The following CNOT6 variants were observed in gnomAD, a reference collection of about 807,000 sequenced individuals.
CNOT6 encodes the protein CCR4-NOT transcription complex subunit 6.
Under a neutral mutation model 61.2 loss-of-function variants are expected in CNOT6, and 12 were observed. That is an observed-to-expected ratio of 0.20 (90% CI 0.13 to 0.32). The LOEUF (loss-of-function observed/expected upper bound fraction) is 0.32. Among genes scored for constraint, CNOT6 ranks in the 10% least tolerant of loss-of-function variants. The pLI is 1.00. For missense variants in CNOT6, 405 were observed against 663.9 expected (o/e 0.61, Z 4.28); for synonymous variants, 225 against 240.6 (o/e 0.94, Z 0.60).
At chr5:180,546,033 T>C (rs1452738914) in intron 2 of CNOT6, among the ~76,000 whole-genome samples, 3 of 151,830 alleles carry the variant, frequency 2.0e-5, no homozygotes, top group African/African-American at 7.3e-5. Context: ...TTCTCTCTCT[T>C]TTTTTTTAGA....
intron 4 of CNOT6, among the ~76,000 whole-genome samples, chr5:180,562,670 G>A (rs984914427): frequency 1.4e-4 from 21 of 152,236 alleles, no homozygotes; most frequent in Admixed American, 1.1e-3. Context: ...AACCCGGGAG[G>A]CGGAGCTTGC....
intron 6 of CNOT6, 24 bp downstream of exon 6, chr5:180,564,767 CTG>C (rs1318333956): frequency 1.3e-6 from 2 of 1,572,720 alleles, no homozygotes; most frequent in Non-Finnish European, 8.7e-7. Context: ...TATTTTTTAA[CTG>C]TTATTTTTGC....
chr5:180,563,721 G>T (rs1227486980), intron 4 of CNOT6, among the ~76,000 whole-genome samples: 1 of 152,208 alleles, frequency 6.6e-6, no homozygotes, highest in African/African-American at 2.4e-5. Flanking sequence ...GTGGCATCCA[G>T]AATAATACAC....
At chr5:180,507,128 G>A (rs1273612078) in intron 1 of CNOT6, among the ~76,000 whole-genome samples, 1 of 152,124 alleles carries the variant, frequency 6.6e-6, no homozygotes, top group Non-Finnish European at 1.5e-5. Context: ...GGTGTCTGGG[G>A]CGTTTCAGGC....
At chr5:180,545,696 G>A (rs896761018) in intron 2 of CNOT6, among the ~76,000 whole-genome samples, 2 of 151,980 alleles carry the variant, frequency 1.3e-5, no homozygotes, top group African/African-American at 2.4e-5. Context: ...CCTTTGTGTG[G>A]GCATAACTTT....
Position 180,538,309 on chromosome 5 carries a change from G to T in CNOT6, c.112+8921G>T, listed in dbSNP as rs137904756. On this transcript the variant is annotated intron_variant, in intron 2 of 11. Coordinates refer to ENST00000261951, the MANE Select transcript of CNOT6 (RefSeq NM_001370472.1). ...CTGCCTGGGCCTCCCAGAGTGCTGG[G>T]ATGACAGGCGTGAGCCACCGCACCT... Among the ~76,000 whole-genome samples, 10 of 151,604 alleles carry T rather than the reference G, an allele frequency of 6.6e-5. No homozygotes were observed. The East Asian group carries it at 2.0e-3, about 30-fold the overall frequency.
At chr5:180,573,966 C>CT (rs750422563) in intron 11 of CNOT6, 22 bp from the exon 12 acceptor site, 6 of 1,536,512 alleles carry the variant, frequency 3.9e-6, no homozygotes, top group South Asian at 3.4e-5. Flanking sequence ...CGGTGCTTAT[C>CT]TTTTTTTCTG....
At chr5:180,553,810 C>A (rs527550265) in intron 4 of CNOT6, among the ~76,000 whole-genome samples, 1 of 151,944 alleles carries the variant, frequency 6.6e-6, no homozygotes, top group Non-Finnish European at 1.5e-5. Flanking sequence ...AAACATGGAG[C>A]CTCTCATATA....
At chr5:180,572,316 A>G (rs893152897) in intron 11 of CNOT6, among the ~76,000 whole-genome samples, 2 of 151,880 alleles carry the variant, frequency 1.3e-5, no homozygotes, top group African/African-American at 2.4e-5. Flanking sequence ...CAGCCTCCCA[A>G]GTAGCTGGGA....
chr5:180,501,977 T>C (rs567484945), intron 1 of CNOT6, among the ~76,000 whole-genome samples: 5 of 152,082 alleles, frequency 3.3e-5, no homozygotes, highest in South Asian at 4.2e-4. Flanking sequence ...AGATAGTAGA[T>C]TGGGCGGAGG....
At chr5:180,566,391 G>A (rs1044499842) in intron 7 of CNOT6, among the ~76,000 whole-genome samples, 6 of 152,190 alleles carry the variant, frequency 3.9e-5, no homozygotes, top group African/African-American at 1.2e-4. Context: ...AACTCTCATA[G>A]TCACTCATAT....
At chr5:180,503,715 C>T (rs913429334) in intron 1 of CNOT6, among the ~76,000 whole-genome samples, 3 of 147,704 alleles carry the variant, frequency 2.0e-5, no homozygotes, top group Non-Finnish European at 3.0e-5. Flanking sequence ...AAGCGATTCC[C>T]TTGCCTCAGC....
intron 2 of CNOT6, among the ~76,000 whole-genome samples, chr5:180,539,960 G>T (rs1758949193): frequency 6.6e-6 from 1 of 152,136 alleles, no homozygotes; most frequent in Non-Finnish European, 1.5e-5. Context: ...ACTAATGTCT[G>T]TGCTCCCTTT....
intron 2 of CNOT6, among the ~76,000 whole-genome samples, chr5:180,533,787 T>C (rs995348850): frequency 1.7e-4 from 26 of 152,216 alleles, no homozygotes; most frequent in African/African-American, 6.0e-4. Flanking sequence ...TTCTTTTTTA[T>C]ATTTTAACAA....
chr5:180,498,946 C>T (rs116228853), intron 1 of CNOT6, among the ~76,000 whole-genome samples: 20 of 152,272 alleles, frequency 1.3e-4, no homozygotes, highest in East Asian at 5.8e-4. Flanking sequence ...CCTGCCACCA[C>T]GCCGACTAAT....
intron 1 of CNOT6, among the ~76,000 whole-genome samples, chr5:180,521,006 A>G (rs1757858155): frequency 6.6e-6 from 1 of 151,748 alleles, no homozygotes; most frequent in South Asian, 2.1e-4. Flanking sequence ...CACCACACCC[A>G]GATAATTTTT....
At chr5:180,500,106 T>C (rs999647010) in intron 1 of CNOT6, among the ~76,000 whole-genome samples, 39 of 151,414 alleles carry the variant, frequency 2.6e-4, no homozygotes, top group Middle Eastern at 3.4e-3. Context: ...TCTTTTTTTT[T>C]CCCCCCTTTT....
At position 180,577,322 on chromosome 5, in the gene CNOT6, C is replaced by A. The variant is rs72816964; in HGVS notation, c.*3122C>A. 2.0e-5 allele frequency: 3 copies of A among 152,428 alleles called. No individual in the cohort carries two copies. The highest frequency in any genetic ancestry group is 1.9e-4 in the East Asian group (1 of 5,192). The allele number at this position is 152,428 out of a possible 1,614,324, so 9.4% of individuals were successfully genotyped here. On this transcript the variant is annotated 3_prime_UTR_variant, in exon 12 of 12. Transcript: ENST00000261951. ...TTAAATTAAAATTTCAAAGCTCTTT[C>A]GAGATTCAGGTTCTCAATAATAATA... is the stretch of plus-strand genomic sequence containing the variant.
chr5:180,577,919 C>T lies in CNOT6; in HGVS notation c.*3719C>T, dbSNP rs543707436. Reference sequence around the variant, plus strand: ...TATATACAGGGTCTTTTTTCTTTACCGATGTATTTTCCTACTCATAGCCAA... The same window carrying T: ...TATATACAGGGTCTTTTTTCTTTACTGATGTATTTTCCTACTCATAGCCAA... On this transcript the variant is annotated 3_prime_UTR_variant, in exon 12 of 12. Transcript: ENST00000261951. 5 of 152,564 alleles carry T rather than the reference C, an allele frequency of 3.3e-5. No homozygotes were observed. The South Asian group carries it at 6.2e-4, about 19-fold the overall frequency. The allele number at this position is 152,564 out of a possible 1,614,324, so 9.5% of individuals were successfully genotyped here. A position where few individuals can be genotyped will look rare whatever the true frequency, so the allele number is the denominator to read the frequency against.
Sources: gnomAD v4.1 joint callset for allele counts (sites outside exome capture counted in the v4.1 genomes callset) on GRCh38, gnomAD v4.1.1 for gene constraint, MANE v1.5 for transcripts, NCBI Gene and HGNC (gene_info 2026-07-23, HGNC 2026-07-21) for gene names.